PPP2R2B: variants seen among roughly 807,000 people sequenced by gnomAD.
PPP2R2B encodes the protein protein phosphatase 2 regulatory subunit Bbeta.
PPP2R2B carries 5 observed loss-of-function variants against 46.0 expected under a neutral mutation model. The ratio of observed to expected loss-of-function variants is 0.11; its 90% confidence interval spans 0.06 to 0.23. The LOEUF is 0.23. PPP2R2B is among the 10% of genes least tolerant of loss of function. The probability of loss-of-function intolerance (pLI) is 1.00; values close to 1 mark genes in which losing one functional copy is unlikely to be tolerated. For synonymous variants in PPP2R2B, 215 were observed against 206.7 expected (o/e 1.04, Z -0.34); for missense variants, 367 against 575.0 (o/e 0.64, Z 3.70).
At chr5:146,758,926 AT>A (rs879569268) in intron 2 of PPP2R2B, among the ~76,000 whole-genome samples, 113 of 150,680 alleles carry the variant, frequency 7.5e-4, no homozygotes, top group Non-Finnish European at 1.4e-3. Context: ...CTTACATGGA[AT>A]TTTTTTTTTC....
At chr5:146,684,482 T>A (rs1778367380) in intron 5 of PPP2R2B, among the ~76,000 whole-genome samples, 1 of 152,230 alleles carries the variant, frequency 6.6e-6, no homozygotes, top group African/African-American at 2.4e-5. Flanking sequence ...TCTTTCTAGC[T>A]GTGTGATCCT....
chr5:146,993,722 A>G (rs1462558699), intron 1 of PPP2R2B, among the ~76,000 whole-genome samples: 1 of 152,206 alleles, frequency 6.6e-6, no homozygotes, highest in African/African-American at 2.4e-5. Context: ...CTAGCTCACA[A>G]CAGGGGCTCA....
intron 6 of PPP2R2B, among the ~76,000 whole-genome samples, chr5:146,642,767 A>T (rs1169694667): frequency 6.6e-6 from 1 of 152,178 alleles, no homozygotes; most frequent in Non-Finnish European, 1.5e-5. Flanking sequence ...GGCTGGAAAA[A>T]ATCTTAGGGC....
chr5:146,699,917 G>A (rs1179923957), intron 3 of PPP2R2B, among the ~76,000 whole-genome samples: 1 of 152,084 alleles, frequency 6.6e-6, no homozygotes, highest in African/African-American at 2.4e-5. Context: ...AGGTCATGAA[G>A]AGCTATTAGT....
intron 2 of PPP2R2B, among the ~76,000 whole-genome samples, chr5:146,725,951 C>A (rs1751837774): frequency 6.6e-6 from 1 of 152,196 alleles, no homozygotes; most frequent in African/African-American, 2.4e-5. Flanking sequence ...AACTCTGAGG[C>A]ACTGAGGATT....
intron 1 of PPP2R2B, among the ~76,000 whole-genome samples, chr5:146,913,046 G>A (rs1763249410): frequency 6.6e-6 from 1 of 152,206 alleles, no homozygotes; most frequent in Non-Finnish European, 1.5e-5. Flanking sequence ...CTTGCCTAAT[G>A]CTTTATTTCA....
chr5:146,792,353 T>A (rs915677209), intron 2 of PPP2R2B, among the ~76,000 whole-genome samples: 2 of 152,212 alleles, frequency 1.3e-5, no homozygotes, highest in Non-Finnish European at 2.9e-5. Context: ...AACTATCTTC[T>A]GAGTCAATGC....
At chr5:146,621,322 A>G (rs934492944) in intron 7 of PPP2R2B, among the ~76,000 whole-genome samples, 3 of 152,240 alleles carry the variant, frequency 2.0e-5, no homozygotes, top group African/African-American at 7.2e-5. Flanking sequence ...AGACAAAGAA[A>G]TGATGCTCAG....
At chr5:146,836,179 G>A (rs183658545) in intron 2 of PPP2R2B, among the ~76,000 whole-genome samples, 2 of 152,126 alleles carry the variant, frequency 1.3e-5, no homozygotes, top group Admixed American at 6.5e-5. Context: ...CCATGCAGCT[G>A]CCAACAAATT....
chr5:146,624,059 T>C (rs1005635482), intron 7 of PPP2R2B, among the ~76,000 whole-genome samples: 1 of 152,150 alleles, frequency 6.6e-6, no homozygotes, highest in Non-Finnish European at 1.5e-5. Context: ...CATTATATGA[T>C]GTAAGAAAAA....
At chr5:146,741,279 A>G (rs1231224098) in intron 2 of PPP2R2B, among the ~76,000 whole-genome samples, 1 of 152,230 alleles carries the variant, frequency 6.6e-6, no homozygotes, top group African/African-American at 2.4e-5. Context: ...AAGAGAGTAC[A>G]GGACAGAGAT....
intron 1 of PPP2R2B, among the ~76,000 whole-genome samples, chr5:146,949,588 A>C (rs1029652161): frequency 1.3e-5 from 2 of 152,086 alleles, no homozygotes; most frequent in Non-Finnish European, 2.9e-5. Flanking sequence ...TAGTACAACC[A>C]CTAGGTAGAA....
At chr5:146,703,430 G>A (rs28396733) in intron 2 of PPP2R2B, among the ~76,000 whole-genome samples, 3,514 of 152,246 alleles carry the variant, frequency 0.023, 128 homozygotes, top group African/African-American at 0.077. Context: ...CTTACATGCA[G>A]TCTATGCCCT....
At chr5:146,953,573 A>T (rs934252281) in intron 1 of PPP2R2B, among the ~76,000 whole-genome samples, 5 of 152,188 alleles carry the variant, frequency 3.3e-5, no homozygotes, top group African/African-American at 1.2e-4. Context: ...AAAAAGATAT[A>T]AAGTGATACA....
chr5:146,895,989 T>C (rs768988063), intron 1 of PPP2R2B, among the ~76,000 whole-genome samples: 5 of 152,090 alleles, frequency 3.3e-5, no homozygotes, highest in Admixed American at 1.3e-4. Flanking sequence ...GGGTCATTAC[T>C]GTTTGACAAT....
chr5:146,709,388 C>T (rs1780087892), intron 2 of PPP2R2B, among the ~76,000 whole-genome samples: 1 of 152,124 alleles, frequency 6.6e-6, no homozygotes, highest in Non-Finnish European at 1.5e-5. Context: ...TACTCAGAAT[C>T]TTTCTTCCTT....
At chr5:147,045,964 C>G (rs181311402) in intron 1 of PPP2R2B, among the ~76,000 whole-genome samples, 7 of 152,272 alleles carry the variant, frequency 4.6e-5, no homozygotes, top group Admixed American at 2.0e-4. Flanking sequence ...TAGGGAAGCT[C>G]TCCTGATCTT....
chr5:146,747,462 C>T (rs2163756), intron 2 of PPP2R2B, among the ~76,000 whole-genome samples: 128,258 of 152,242 alleles, frequency 0.84, 54,156 homozygotes, highest in Middle Eastern at 0.87. Context: ...TTTGAGTGAA[C>T]AATAGTGATA....
chr5:146,684,788 G>A (rs559684700), intron 5 of PPP2R2B, among the ~76,000 whole-genome samples: 1 of 152,190 alleles, frequency 6.6e-6, no homozygotes, highest in East Asian at 1.9e-4. Flanking sequence ...GTGGTCCAGG[G>A]ACCACCTGCA....
Sources: gnomAD v4.1 joint callset for allele counts (sites outside exome capture counted in the v4.1 genomes callset) on GRCh38, gnomAD v4.1.1 for gene constraint, MANE v1.5 for transcripts, NCBI Gene and HGNC (gene_info 2026-07-23, HGNC 2026-07-21) for gene names.